CTNNA1: variants seen among roughly 807,000 people sequenced by gnomAD.
CTNNA1 encodes the protein catenin alpha 1, also known as catenin alpha-1.
In CTNNA1, 37 loss-of-function variants were observed where a neutral mutation model predicts 98.4. The observed-to-expected ratio is 0.38, with a 90% confidence interval of 0.29 to 0.49. The LOEUF is 0.49. Ranked by LOEUF, CTNNA1 falls within the 20% of genes least tolerant of loss-of-function variation. CTNNA1 has a pLI of 0.95. For missense variants in CTNNA1, 761 were observed against 1,147.2 expected, an observed-to-expected ratio of 0.66 and a Z score of 4.86; for synonymous variants, 404 against 413.2, an observed-to-expected ratio of 0.98 and a Z score of 0.27.
rs768295138 is a variant in CTNNA1, at chr5:138,904,398, T to G, written c.1346T>G (p.Leu449Arg). ...SISNNEEGVK[L>R]VRMSASQLEA... ...TCAAATAATGAAGAAGGTGTAAAGC[T>G]TGTTCGAATGTCTGCAAGCCAGTTA... is the stretch of plus-strand genomic sequence containing the variant. Residue 449 changes from leucine to arginine, a missense_variant, in exon 10 of 18, where the codon CTT (leucine) becomes CGT (arginine). Transcript: ENST00000302763. The G allele has an allele frequency of 1.2e-6, 2 of 1,614,164 alleles. No homozygotes were observed. Among genetic ancestry groups the G allele is most frequent in the South Asian group, 2.2e-5 (2 of 91,074 alleles).
Position 138,874,884 on chromosome 5 carries a change from A to T in CTNNA1, c.1063-11328A>T, listed in dbSNP as rs373922860. ...AGCGTGATTCCTTGTTGAATGTACA[A>T]GACATATAAATGCACAGACTTACCC... On this transcript the variant is annotated intron_variant, in intron 7 of 17. Transcript: ENST00000302763. The surrounding 1 kb of genome is among the most constrained non-coding windows in gnomAD (Gnocchi z 4.1). 3 of 1,606,698 alleles carry T rather than the reference A, an allele frequency of 1.9e-6. No individual in the cohort carries two copies. In the African/African-American group the frequency reaches 4.0e-5, roughly 22 times the overall value.
chr5:138,790,595 G>A (rs1018539285), intron 3 of CTNNA1, among the ~76,000 whole-genome samples: 1 of 152,150 alleles, frequency 6.6e-6, no homozygotes, highest in South Asian at 2.1e-4. Flanking sequence ...ATTCCACCAA[G>A]TTTTCAAAAA....
chr5:138,821,831 T>C (rs1291048638), intron 5 of CTNNA1, among the ~76,000 whole-genome samples: 1 of 152,198 alleles, frequency 6.6e-6, no homozygotes, highest in Non-Finnish European at 1.5e-5. Context: ...TAATCTATTA[T>C]GTTGCTTAAT....
At chr5:138,810,922 G>A (rs1758634299) in intron 4 of CTNNA1, among the ~76,000 whole-genome samples, 1 of 139,630 alleles carries the variant, frequency 7.2e-6, no homozygotes, top group African/African-American at 2.5e-5. Flanking sequence ...GCAGGGGGCT[G>A]ACCCCCCCAC....
rs550056894 is a variant in CTNNA1, at chr5:138,907,481, G to C, written c.1389+3040G>C. Among the ~76,000 whole-genome samples, 358 of 152,238 alleles carry C rather than the reference G, an allele frequency of 2.4e-3. 1 individual carries two copies. The highest frequency in any genetic ancestry group is 8.3e-3 in the African/African-American group (343 of 41,520). On this transcript the variant is annotated intron_variant, in intron 10 of 17. Coordinates refer to ENST00000302763, the MANE Select transcript of CTNNA1 (RefSeq NM_001903.5). ...GCCTGCTGTGGCCCGTGTGTTTCATGCTCAGAGGATCTCTCCTTCAAGGAA... is the reference window on the plus strand; with the variant it reads ...GCCTGCTGTGGCCCGTGTGTTTCATCCTCAGAGGATCTCTCCTTCAAGGAA...
chr5:138,926,655 G>A (rs753970307), intron 13 of CTNNA1, among the ~76,000 whole-genome samples: 18 of 152,064 alleles, frequency 1.2e-4, no homozygotes, highest in Admixed American at 6.5e-5. Flanking sequence ...TTTGTACTAG[G>A]ATCCCAGCTT....
rs2149938717 is a variant in CTNNA1 at position 138,874,839 on chromosome 5, A to G, written c.1063-11373A>G. ...TGGTGATTTCCCTCATAAAATGTGA[A>G]TTCGGTAGCTTATTTTAAAAGCGTG... On this transcript the variant is annotated intron_variant, in intron 7 of 17. Coordinates refer to ENST00000302763, the MANE Select transcript of CTNNA1 (RefSeq NM_001903.5). The surrounding 1 kb of genome is among the most constrained non-coding windows in gnomAD (Gnocchi z 4.1). 15 of 1,449,524 alleles carry G rather than the reference A, an allele frequency of 1.0e-5. No individual in the cohort carries two copies. The highest frequency in any genetic ancestry group is 1.4e-5 in the Non-Finnish European group (15 of 1,041,030). The allele number at this position is 1,449,524 out of a possible 1,614,324, so 89.8% of individuals were successfully genotyped here. A position where few individuals can be genotyped will look rare whatever the true frequency, so the allele number is the denominator to read the frequency against.
At chr5:138,886,314 A>C (rs1754012889) in intron 8 of CTNNA1, 22 bp downstream of exon 8, 1 of 1,562,622 alleles carries the variant, frequency 6.4e-7, no homozygotes, top group African/African-American at 1.4e-5. Context: ...GAAAGTGCTG[A>C]TTGTTTTTCT....
rs546313093 is a variant in CTNNA1, at chr5:138,920,421, A to G, written c.1546+2523A>G. On this transcript the variant is annotated intron_variant, in intron 11 of 17. Coordinates refer to ENST00000302763, the MANE Select transcript of CTNNA1 (RefSeq NM_001903.5). ...ATCTTGGCCCTGACGTGGCCCTGCC[A>G]CATTTGCCAGTGTCCCCTGGCCCTA... 2.0e-5 allele frequency among the ~76,000 whole-genome samples: 3 copies of G among 152,364 alleles called. No individual in the cohort carries two copies. In the East Asian group the frequency reaches 5.8e-4, roughly 29 times the overall value.
At chr5:138,794,607 G>T (rs1381934513) in intron 3 of CTNNA1, among the ~76,000 whole-genome samples, 4 of 152,300 alleles carry the variant, frequency 2.6e-5, no homozygotes, top group African/African-American at 7.2e-5. Context: ...TCTTATAAGG[G>T]CTGTGTTATG....
At chr5:138,805,393 T>C (rs1757985958) in intron 3 of CTNNA1, among the ~76,000 whole-genome samples, 1 of 152,228 alleles carries the variant, frequency 6.6e-6, no homozygotes. Context: ...ATGAGAGTTC[T>C]AATTTCCTCA....
chr5:138,796,747 T>C lies in CTNNA1; in HGVS notation c.302-13291T>C, dbSNP rs935112939. ...TGAACATGTTTAAGATAGTTGATGGTGTCTAACTCTTCTCCTGGAAGCTTT... is the reference window on the plus strand; with the variant it reads ...TGAACATGTTTAAGATAGTTGATGGCGTCTAACTCTTCTCCTGGAAGCTTT... On this transcript the variant is annotated intron_variant, in intron 3 of 17. Coordinates refer to ENST00000302763, the MANE Select transcript of CTNNA1 (RefSeq NM_001903.5). Among the ~76,000 whole-genome samples the C allele has an allele frequency of 2.6e-5, 4 of 152,328 alleles. No homozygotes were observed. In the East Asian group the frequency reaches 7.7e-4, roughly 29 times the overall value.
In CTNNA1 at chr5:138,914,847, A is replaced by T. The variant is rs869312564; in HGVS notation, c.1390-2895A>T. On this transcript the variant is annotated intron_variant, in intron 10 of 17. Transcript: ENST00000302763. ...CTTTGCTTCCTTCCCAAGTTGCATGATTATAAACACATTTACTGGGCCGGG... is the reference window on the plus strand; with the variant it reads ...CTTTGCTTCCTTCCCAAGTTGCATGTTTATAAACACATTTACTGGGCCGGG... Among the ~76,000 whole-genome samples the T allele has an allele frequency of 3.3e-5, 5 of 152,060 alleles. No individual in the cohort carries two copies. The highest frequency in any genetic ancestry group is 2.9e-5 in the Non-Finnish European group (2 of 68,018).
chr5:138,927,448 C>T (rs866889686), intron 13 of CTNNA1, among the ~76,000 whole-genome samples: 2 of 152,128 alleles, frequency 1.3e-5, no homozygotes, highest in Non-Finnish European at 2.9e-5. Context: ...ATGCCCCTTC[C>T]CCACGGCCTC....
At chr5:138,824,904 A>G (rs1760486768) in intron 6 of CTNNA1, 105 bp downstream of exon 6, 1 of 1,035,866 alleles carries the variant, frequency 9.7e-7, no homozygotes, top group Non-Finnish European at 1.4e-6. Context: ...CTCAATTTCC[A>G]CTTAGATCTT....
chr5:138,804,273 C>T (rs1401293648), intron 3 of CTNNA1, among the ~76,000 whole-genome samples: 1 of 152,200 alleles, frequency 6.6e-6, no homozygotes, highest in African/African-American at 2.4e-5. Flanking sequence ...CATGTTACTG[C>T]ATTCAATACT....
chr5:138,833,740 A>G (rs1761504218), intron 7 of CTNNA1, among the ~76,000 whole-genome samples: 1 of 152,216 alleles, frequency 6.6e-6, no homozygotes, highest in African/African-American at 2.4e-5. Context: ...GTCCATGCAT[A>G]GTAGCTATTA....
chr5:138,801,579 A>G (rs997393515), intron 3 of CTNNA1, among the ~76,000 whole-genome samples: 11 of 152,216 alleles, frequency 7.2e-5, no homozygotes, highest in African/African-American at 2.2e-4. Flanking sequence ...TTTTAAGTGT[A>G]CAAATAGCTG....
At chr5:138,920,264 G>A (rs1182243241) in intron 11 of CTNNA1, among the ~76,000 whole-genome samples, 1 of 152,186 alleles carries the variant, frequency 6.6e-6, no homozygotes, top group African/African-American at 2.4e-5. Flanking sequence ...ACAGGCATGA[G>A]CCACCGTGCC....
Sources: gnomAD v4.1 joint callset for allele counts (sites outside exome capture counted in the v4.1 genomes callset) on GRCh38, gnomAD v4.1.1 for gene constraint, Gnocchi (gnomAD v3.1) non-coding constraint, MANE v1.5 for transcripts, NCBI Gene and HGNC (gene_info 2026-07-23, HGNC 2026-07-21) for gene names.